The following SRP72 variants were observed in gnomAD, a reference collection of about 807,000 sequenced individuals.
SRP72 encodes the protein signal recognition particle subunit SRP72.
In SRP72, 49 loss-of-function variants were observed where a neutral mutation model predicts 96.3. That is an observed-to-expected ratio of 0.51 (90% CI 0.40 to 0.65). SRP72 has a LOEUF of 0.65. Among genes scored for constraint, SRP72 ranks in the 30% least tolerant of loss-of-function variants. The probability of loss-of-function intolerance (pLI) is 0.00; values close to 1 mark genes in which losing one functional copy is unlikely to be tolerated. For missense variants in SRP72, 736 were observed against 793.3 expected (o/e 0.93, Z 0.87); for synonymous variants, 267 against 275.2 (o/e 0.97, Z 0.30).
intron 15 of SRP72, 141 bp downstream of exon 15, chr4:56,490,786 G>A (rs932701569): frequency 1.5e-6 from 1 of 669,546 alleles, no homozygotes; most frequent in Non-Finnish European, 2.4e-6. Flanking sequence ...CAAAAAATGA[G>A]AATTTATTGA....
intron 12 of SRP72, among the ~76,000 whole-genome samples, chr4:56,488,338 T>A (rs1720791497): frequency 6.6e-6 from 1 of 152,204 alleles, no homozygotes; most frequent in Non-Finnish European, 1.5e-5. Context: ...ATTTCATAAT[T>A]GTGGCCAACA....
In SRP72 at chr4:56,490,548, TTTC is replaced by T; in HGVS notation, c.1425-17_1425-15del. 2 of 1,610,804 alleles carry T rather than the reference TTTC, an allele frequency of 1.2e-6. No individual in the cohort carries two copies. The highest frequency in any genetic ancestry group is 1.7e-6 in the Non-Finnish European group (2 of 1,178,208). ...CCAGTTTTATAAACAGTTCAATAAT[TTTC>T]TTATTTCTTCTTTTAGACAAAATCC... is the stretch of plus-strand genomic sequence containing the variant. On this transcript the variant is annotated splice_polypyrimidine_tract_variant and intron_variant, in intron 14 of 18. Transcript: ENST00000642900.
At position 56,471,763 on chromosome 4, in the gene SRP72, A is replaced by G. The variant is rs900285576; in HGVS notation, c.274A>G (p.Asn92Asp). 3.1e-6 allele frequency: 5 copies of G among 1,614,080 alleles called. No individual in the cohort carries two copies. The Admixed American group carries it at 6.7e-5, about 22-fold the overall frequency. Reference protein sequence around the residue: ...FEKAYCEYRLNRIENALKTIE... With the variant: ...FEKAYCEYRLDRIENALKTIE... Reference sequence around the variant, plus strand: ...AAAGGCATATTGCGAGTACAGGCTGAACAGAATTGAGAATGCCTTGAAGAC... The same window carrying G: ...AAAGGCATATTGCGAGTACAGGCTGGACAGAATTGAGAATGCCTTGAAGAC... The change falls in exon 3 of 19, where the codon AAC becomes GAC. Residue 92 changes from asparagine to aspartate, a missense_variant. Asn to Asp is a conservative substitution (Grantham distance 23). Around this residue, in one of 3 missense-constraint regions of SRP72, gnomAD observed 329 missense variants for 319.0 expected, o/e 1.03. Coordinates refer to ENST00000642900, the MANE Select transcript of SRP72 (RefSeq NM_006947.4).
intron 1 of SRP72, 53 bp downstream of exon 1, chr4:56,467,797 C>T (rs1719794286): frequency 1.4e-6 from 2 of 1,407,748 alleles, no homozygotes; most frequent in South Asian, 1.5e-5. Context: ...GAGGATGCGG[C>T]CTGTTTCCGG....
At chr4:56,474,601 T>C (rs1401636783) in intron 5 of SRP72, 5 of 582,662 alleles carry the variant, frequency 8.6e-6, no homozygotes, top group Non-Finnish European at 1.5e-5. Flanking sequence ...TGGAGTACAA[T>C]GGCACGATCT....
chr4:56,493,007 A>G (rs1431563494), intron 16 of SRP72, among the ~76,000 whole-genome samples: 1 of 152,070 alleles, frequency 6.6e-6, no homozygotes, highest in African/African-American at 2.4e-5. Flanking sequence ...AGTTTTTAAA[A>G]GTTTTTTTAA....
intron 2 of SRP72, among the ~76,000 whole-genome samples, chr4:56,470,569 A>G (rs554089959): frequency 6.6e-6 from 1 of 152,160 alleles, no homozygotes; most frequent in Non-Finnish European, 1.5e-5. Context: ...GTAGGAGGTA[A>G]TAGGAACAGG....
intron 2 of SRP72, 111 bp downstream of exon 2, chr4:56,469,884 C>A: frequency 9.3e-7 from 1 of 1,074,894 alleles, no homozygotes; most frequent in Non-Finnish European, 1.2e-6. Flanking sequence ...CGTTTTTTTC[C>A]TTCCTTTTTT....
intron 6 of SRP72, chr4:56,477,136 T>G (rs562726455): frequency 0.01 from 1,585 of 153,660 alleles, 7 homozygotes; most frequent in Middle Eastern, 0.03. Flanking sequence ...ATGTTTTTTT[T>G]TTGTTGTTTG....
At chr4:56,486,098 T>C in intron 10 of SRP72, 1 of 430,876 alleles carries the variant, frequency 2.3e-6, no homozygotes, top group Admixed American at 4.0e-5. Context: ...TCTCTGTTAG[T>C]GACTTACAGA....
intron 1 of SRP72, among the ~76,000 whole-genome samples, chr4:56,468,279 G>A (rs1308908351): frequency 6.6e-6 from 1 of 152,132 alleles, no homozygotes; most frequent in Non-Finnish European, 1.5e-5. Flanking sequence ...CTGGATGTCA[G>A]GCCTGTCATT....
chr4:56,502,522 A>T lies in SRP72; in HGVS notation c.*661A>T, dbSNP rs1721303824. 6.8e-6 allele frequency: 1 copy of T among 147,106 alleles called. No homozygotes were observed. The highest frequency in any genetic ancestry group is 2.1e-4 in the South Asian group (1 of 4,674). 9.1% of individuals were successfully genotyped at this position (147,106 alleles called of 1,614,324 possible). ...ATATATATATATATATAAACATGAA[A>T]TATATATATATGGCTCCTTTGTGCC... On this transcript the variant is annotated 3_prime_UTR_variant, in exon 19 of 19. Coordinates refer to ENST00000642900, the MANE Select transcript of SRP72 (RefSeq NM_006947.4).
At chr4:56,486,810 T>C (rs1425603239) in intron 11 of SRP72, among the ~76,000 whole-genome samples, 1 of 152,202 alleles carries the variant, frequency 6.6e-6, no homozygotes, top group African/African-American at 2.4e-5. Context: ...ATTTTACACT[T>C]TGCCACCTAT....
In SRP72 at chr4:56,500,663, C is replaced by T; in HGVS notation, c.1806C>T (p.Thr602=). Residue 602 remains threonine (T), a synonymous_variant, in exon 18 of 19, where the codon ACC becomes ACT. Transcript: ENST00000642900. ...GKKKDQIGKG[T]QGATAGASSE... is the part of the protein sequence containing the mutation. The stretch of plus-strand genomic sequence containing the variant: ...AGAAGGATCAGATTGGAAAAGGGAC[C>T]CAGGGAGCAACTGCAGGAGCTTCAT... The T allele has an allele frequency of 1.2e-6, 2 of 1,613,594 alleles. No homozygotes were observed. Among genetic ancestry groups the T allele is most frequent in the Non-Finnish European group, 1.7e-6 (2 of 1,179,764 alleles).
At chr4:56,492,597 CAAT>C (rs1005181966) in intron 16 of SRP72, among the ~76,000 whole-genome samples, 38 of 152,242 alleles carry the variant, frequency 2.5e-4, no homozygotes, top group African/African-American at 8.9e-4. Flanking sequence ...AACTCAGCAA[CAAT>C]GACTGATTTC....
intron 17 of SRP72, among the ~76,000 whole-genome samples, chr4:56,498,590 A>G (rs935441016): frequency 4.6e-5 from 7 of 152,244 alleles, no homozygotes; most frequent in Non-Finnish European, 1.0e-4. Flanking sequence ...ACACAAAATC[A>G]ATGTGCAAAA....
At chr4:56,473,951 T>A in intron 3 of SRP72, 103 bp from the exon 4 acceptor site, 1 of 1,116,030 alleles carries the variant, frequency 9.0e-7, no homozygotes, top group South Asian at 1.7e-5. Context: ...CATGTTATGC[T>A]GAACTAGGAT....
At chr4:56,473,697 G>A (rs1357895578) in intron 3 of SRP72, among the ~76,000 whole-genome samples, 1 of 151,898 alleles carries the variant, frequency 6.6e-6, no homozygotes, top group African/African-American at 2.4e-5. Context: ...CCAGGGAGGT[G>A]GAGGTTGCAG....
At chr4:56,495,332 T>C in intron 16 of SRP72, 25 bp from the exon 17 acceptor site, 1 of 1,446,346 alleles carries the variant, frequency 6.9e-7, no homozygotes, top group East Asian at 2.3e-5. Flanking sequence ...ACAAAGATGG[T>C]AATGATTTTT....
Sources: allele counts gnomAD v4.1 joint callset (sites outside exome capture counted in the v4.1 genomes callset), GRCh38; gene constraint gnomAD v4.1.1; regional missense constraint gnomAD v4.1.1; transcripts MANE v1.5; gene names NCBI Gene and HGNC (gene_info 2026-07-23, HGNC 2026-07-21).